TRHR: variants seen among roughly 807,000 people sequenced by gnomAD.
TRHR encodes the protein thyrotropin releasing hormone receptor.
TRHR carries 14 observed loss-of-function variants against 28.0 expected under a neutral mutation model. The ratio of observed to expected loss-of-function variants is 0.50; its 90% CI spans 0.33 to 0.78. TRHR has a LOEUF of 0.78. TRHR is among the 30% of genes least tolerant of loss of function. The pLI, the probability that TRHR is intolerant of heterozygous loss-of-function variation, is 0.02. For synonymous variants in TRHR, 176 were observed against 171.9 expected, an observed-to-expected ratio of 1.02 and a Z score of -0.18; for missense variants, 438 against 469.5, an observed-to-expected ratio of 0.93 and a Z score of 0.62.
rs762346094 is a variant in TRHR, at chr8:109,120,020, T to C, written c.*565T>C. 6.6e-6 allele frequency among the ~76,000 whole-genome samples: 1 copy of C among 151,904 alleles called. No homozygotes were observed. Among genetic ancestry groups the C allele is most frequent in the African/African-American group, 2.4e-5 (1 of 41,426 alleles). On this transcript the variant is annotated 3_prime_UTR_variant, in exon 3 of 3. Transcript: ENST00000518632. ...GTTAACTGTATTTTAAAAGTTGCCATAATGTTTATAAAATTCTGAGATGAT... is the reference window on the plus strand; with the variant it reads ...GTTAACTGTATTTTAAAAGTTGCCACAATGTTTATAAAATTCTGAGATGAT...
chr8:109,091,002 C>T (rs1457728671), intron 2 of TRHR, among the ~76,000 whole-genome samples: 1 of 152,090 alleles, frequency 6.6e-6, no homozygotes, highest in Non-Finnish European at 1.5e-5. Flanking sequence ...AAGGAATTTG[C>T]ACTTAATGCA....
chr8:109,118,396 C>T (rs1357875273), intron 2 of TRHR, among the ~76,000 whole-genome samples: 2 of 151,860 alleles, frequency 1.3e-5, no homozygotes, highest in Non-Finnish European at 1.5e-5. Flanking sequence ...GCAATGTTGG[C>T]TCCATTTTAC....
At position 109,119,394 on chromosome 8, in the gene TRHR, C is replaced by CTTTTGTGG. The variant is rs778788137; in HGVS notation, c.1136_1137insTTTTGTGG (p.Thr380PhefsTer25). Reference sequence around the variant, plus strand: ...ACTGTCACTGACACTTACCTGTCTGCCACAAAAGTGTCTTTTGATGACACC... The same window carrying CTTTTGTGG: ...ACTGTCACTGACACTTACCTGTCTGCTTTTGTGGCACAAAAGTGTCTTTTGATGACACC... On this transcript the variant is annotated frameshift_variant, in exon 3 of 3. Coordinates refer to ENST00000518632, the MANE Select transcript of TRHR (RefSeq NM_003301.7). LOFTEE classifies it high-confidence loss of function. The CTTTTGTGG allele has an allele frequency of 2.4e-5, 38 of 1,612,274 alleles. No individual in the cohort carries two copies. Among genetic ancestry groups the CTTTTGTGG allele is most frequent in the Non-Finnish European group, 3.0e-5 (35 of 1,179,076 alleles).
intron 2 of TRHR, among the ~76,000 whole-genome samples, chr8:109,093,013 T>C (rs1427104670): frequency 2.0e-5 from 3 of 151,962 alleles, no homozygotes; most frequent in Non-Finnish European, 4.4e-5. Flanking sequence ...CCACATACAA[T>C]TTTGGAAATA....
intron 2 of TRHR, among the ~76,000 whole-genome samples, chr8:109,103,516 C>CT (rs1250712691): frequency 6.6e-6 from 1 of 152,120 alleles, no homozygotes; most frequent in Admixed American, 6.6e-5. Flanking sequence ...AGTATAGTGG[C>CT]TTTTTTGTGC....
In TRHR at chr8:109,114,264, A is replaced by C. The variant is rs560338490; in HGVS notation, c.790-4784A>C. Among the ~76,000 whole-genome samples, 15 of 152,154 alleles carry C rather than the reference A, an allele frequency of 9.9e-5. 1 individual carries two copies. The Middle Eastern group carries it at 0.01, about 104-fold the overall frequency. ...CATGTTCTCACCTACCCTTTTCCTC[A>C]ACTATCTCTGCCTGCAAGCTCGCTC... On this transcript the variant is annotated intron_variant, in intron 2 of 2. Coordinates refer to ENST00000518632, the MANE Select transcript of TRHR (RefSeq NM_003301.7).
At chr8:109,094,034 T>C (rs897740626) in intron 2 of TRHR, among the ~76,000 whole-genome samples, 3 of 152,048 alleles carry the variant, frequency 2.0e-5, no homozygotes, top group African/African-American at 7.2e-5. Context: ...TTTGGGACCA[T>C]AAAATCTCAT....
intron 2 of TRHR, among the ~76,000 whole-genome samples, chr8:109,104,859 C>T (rs893104676): frequency 3.3e-5 from 5 of 152,060 alleles, no homozygotes; most frequent in African/African-American, 1.2e-4. Context: ...GGGGCTCATA[C>T]CTGTAATCTC....
chr8:109,103,982 A>T (rs1009034083), intron 2 of TRHR, among the ~76,000 whole-genome samples: 2 of 152,172 alleles, frequency 1.3e-5, no homozygotes. Flanking sequence ...TTAGTCAAAA[A>T]ACAGAAACTT....
intron 2 of TRHR, among the ~76,000 whole-genome samples, chr8:109,099,349 G>T (rs1300387560): frequency 6.6e-6 from 1 of 152,166 alleles, no homozygotes; most frequent in Admixed American, 6.5e-5. Flanking sequence ...TGGGATGGGA[G>T]ACTTAGCTAG....
intron 2 of TRHR, among the ~76,000 whole-genome samples, chr8:109,089,194 G>C (rs1223902439): frequency 6.6e-6 from 1 of 151,810 alleles, no homozygotes; most frequent in Non-Finnish European, 1.5e-5. Flanking sequence ...AACTTAGCTT[G>C]AAGTTTCTTT....
At chr8:109,098,888 C>G (rs1400143770) in intron 2 of TRHR, among the ~76,000 whole-genome samples, 1 of 152,128 alleles carries the variant, frequency 6.6e-6, no homozygotes, top group Non-Finnish European at 1.5e-5. Flanking sequence ...GTATGGTTCA[C>G]CATTTTGCCG....
At chr8:109,090,318 G>C (rs1350834312) in intron 2 of TRHR, among the ~76,000 whole-genome samples, 12 of 152,154 alleles carry the variant, frequency 7.9e-5, no homozygotes, top group African/African-American at 2.4e-4. Flanking sequence ...GGAACTACAG[G>C]TTTTTCCTTA....
chr8:109,094,043 A>G (rs550711442), intron 2 of TRHR, among the ~76,000 whole-genome samples: 1 of 152,168 alleles, frequency 6.6e-6, no homozygotes, highest in African/African-American at 2.4e-5. Context: ...ATAAAATCTC[A>G]TAAATTGTAA....
intron 2 of TRHR, among the ~76,000 whole-genome samples, chr8:109,096,749 A>C (rs1351437537): frequency 6.6e-6 from 1 of 152,076 alleles, no homozygotes; most frequent in Admixed American, 6.6e-5. Flanking sequence ...TTATCAGCAC[A>C]CTTTTGTGTT....
chr8:109,091,834 T>A (rs1324782626), intron 2 of TRHR, among the ~76,000 whole-genome samples: 2 of 152,234 alleles, frequency 1.3e-5, no homozygotes, highest in Admixed American at 1.3e-4. Context: ...ATTATCTGAC[T>A]AAATACATTG....
chr8:109,118,830 G>T (rs1281822987), intron 2 of TRHR, among the ~76,000 whole-genome samples: 1 of 151,804 alleles, frequency 6.6e-6, no homozygotes, highest in East Asian at 1.9e-4. Context: ...ATAACACACT[G>T]CTTTGGCTTT....
intron 2 of TRHR, among the ~76,000 whole-genome samples, chr8:109,117,707 C>T (rs1015840115): frequency 2.6e-5 from 4 of 151,800 alleles, no homozygotes; most frequent in African/African-American, 9.7e-5. Context: ...ACATTTATCA[C>T]TTTGATTTCC....
chr8:109,101,090 T>C (rs1447959316), intron 2 of TRHR, among the ~76,000 whole-genome samples: 3 of 152,166 alleles, frequency 2.0e-5, no homozygotes, highest in Admixed American at 6.6e-5. Context: ...AAGAGTGTTG[T>C]AATCAGAGTT....
Sources: allele counts gnomAD v4.1 joint callset (sites outside exome capture counted in the v4.1 genomes callset), GRCh38; gene constraint gnomAD v4.1.1; transcripts MANE v1.5; gene names NCBI Gene and HGNC (gene_info 2026-07-23, HGNC 2026-07-21).